POU3F3: variants seen among roughly 807,000 people sequenced by gnomAD.
POU3F3 encodes the protein POU domain, class 3, transcription factor 3.
POU3F3 carries 1 observed loss-of-function variant against 8.6 expected under a neutral mutation model. The observed-to-expected ratio is 0.12, with a 90% CI of 0.04 to 0.55. The LOEUF (loss-of-function observed/expected upper bound fraction) is 0.55. Ranked by LOEUF, POU3F3 falls within the 20% of genes least tolerant of loss-of-function variation. The pLI, the probability that POU3F3 is intolerant of heterozygous loss-of-function variation, is 0.91. For synonymous variants in POU3F3, 418 were observed against 327.4 expected, an observed-to-expected ratio of 1.28 and a Z score of -2.99; for missense variants, 577 against 690.7, an observed-to-expected ratio of 0.84 and a Z score of 1.84.
rs951163307 is a variant in POU3F3 at position 104,854,667 on chromosome 2, T to C, written c.-844T>C. Reference sequence around the variant, plus strand: ...TCCGGCAATAGCAACTTCAGAGAAATGCACCATCGCAAGAAGTTTTCCTAG... The same window carrying C: ...TCCGGCAATAGCAACTTCAGAGAAACGCACCATCGCAAGAAGTTTTCCTAG... On this transcript the variant is annotated 5_prime_UTR_variant, in exon 1 of 1. An upstream start codon of the reference 5' UTR is lost. Transcript: ENST00000361360. The surrounding 1 kb of genome is among the most constrained non-coding windows in gnomAD (Gnocchi z 4.5). 5.3e-5 allele frequency among the ~76,000 whole-genome samples: 8 copies of C among 152,092 alleles called. 1 individual carries two copies. The highest frequency in any genetic ancestry group is 2.0e-4 in the Admixed American group (3 of 15,288).
the POU3F3 span, among the ~76,000 whole-genome samples, chr2:104,885,352 A>C: frequency 6.6e-6 from 1 of 152,210 alleles, no homozygotes; most frequent in Non-Finnish European, 1.5e-5. Flanking sequence ...TAAGGCTGAG[A>C]CCTGCATTGC....
the POU3F3 span, among the ~76,000 whole-genome samples, chr2:104,921,413 T>C: frequency 6.6e-6 from 1 of 152,148 alleles, no homozygotes; most frequent in Admixed American, 6.5e-5. Context: ...TGGAGTACAT[T>C]TGAAGTCTTG....
At chr2:104,880,509 C>G in the POU3F3 span, among the ~76,000 whole-genome samples, 9 of 152,170 alleles carry the variant, frequency 5.9e-5, no homozygotes, top group Non-Finnish European at 1.2e-4. Flanking sequence ...TGTGCCCAAC[C>G]ATGCTGCAGT....
At chr2:104,906,942 A>G in the POU3F3 span, among the ~76,000 whole-genome samples, 13 of 152,134 alleles carry the variant, frequency 8.5e-5, no homozygotes, top group Non-Finnish European at 1.6e-4. Flanking sequence ...CTTTCCACCA[A>G]TACTTTCAAC....
At chr2:104,917,077 C>T in the POU3F3 span, among the ~76,000 whole-genome samples, 1 of 152,208 alleles carries the variant, frequency 6.6e-6, no homozygotes, top group Admixed American at 6.5e-5. Context: ...GTCACCGGTG[C>T]TCCTGGTTCT....
downstream of POU3F3, among the ~76,000 whole-genome samples, chr2:104,862,541 CG>C (rs571309667): frequency 4.2e-3 from 575 of 137,110 alleles, 2 homozygotes; most frequent in African/African-American, 0.014. Flanking sequence ...CGCTTCTCTC[CG>C]GGAGGGAGGG....
chr2:104,916,278 T>A, the POU3F3 span, among the ~76,000 whole-genome samples: 547 of 152,346 alleles, frequency 3.6e-3, no homozygotes, highest in Non-Finnish European at 6.0e-3. Flanking sequence ...ATTGACAGCC[T>A]ACTCTGTGCC....
At chr2:104,881,533 TTCTC>T in the POU3F3 span, among the ~76,000 whole-genome samples, 1 of 152,032 alleles carries the variant, frequency 6.6e-6, no homozygotes, top group African/African-American at 2.4e-5. Context: ...TCCTCTCTCT[TTCTC>T]TTGCTGTCTC....
At chr2:104,896,254 T>C in the POU3F3 span, among the ~76,000 whole-genome samples, 167 of 152,158 alleles carry the variant, frequency 1.1e-3, 1 homozygote, top group African/African-American at 3.9e-3. Flanking sequence ...TGGGTAGGGG[T>C]CCCTGCATGG....
In POU3F3 at chr2:104,855,419, GC is replaced by G; in HGVS notation, c.-91del. On this transcript the variant is annotated 5_prime_UTR_variant, in exon 1 of 1. Transcript: ENST00000361360. ...GGGGGGAGGAGGCGGGAGGCGGGGG[GC>G]GCGGCGGCGGCGGCGGCGGCGGCGG... The G allele has an allele frequency of 1.8e-6, 1 of 543,594 alleles. No individual in the cohort carries two copies. Among genetic ancestry groups the G allele is most frequent in the Non-Finnish European group, 2.3e-6 (1 of 441,352 alleles). The allele number at this position is 543,594 out of a possible 1,614,324, so 33.7% of individuals were successfully genotyped here.
At chr2:104,925,567 T>C in the POU3F3 span, among the ~76,000 whole-genome samples, 6 of 152,146 alleles carry the variant, frequency 3.9e-5, no homozygotes, top group East Asian at 1.9e-4. Flanking sequence ...GCTACAACTG[T>C]GAGCCATGCA....
the POU3F3 span, among the ~76,000 whole-genome samples, chr2:104,864,956 G>T: frequency 5.3e-5 from 8 of 152,218 alleles, no homozygotes; most frequent in Non-Finnish European, 1.0e-4. Context: ...GCGCGCACAT[G>T]CGTGTGAACA....
At chr2:104,912,882 A>T in the POU3F3 span, among the ~76,000 whole-genome samples, 5 of 152,212 alleles carry the variant, frequency 3.3e-5, no homozygotes, top group African/African-American at 4.8e-5. Context: ...CACCTTGCAG[A>T]TCAGTCTGGG....
rs1676594372 is a variant in POU3F3, at chr2:104,857,417, A to G, written c.*404A>G. On this transcript the variant is annotated 3_prime_UTR_variant, in exon 1 of 1. Coordinates refer to ENST00000361360, the MANE Select transcript of POU3F3 (RefSeq NM_006236.3). The stretch of plus-strand genomic sequence containing the variant: ...GTTTCGTTTTTGTTTTTGTTTTTAA[A>G]GAAGGGTGAAGATGCCTGACGCACG... 1 of 153,932 alleles carries G rather than the reference A, an allele frequency of 6.5e-6. No individual in the cohort carries two copies. The highest frequency in any genetic ancestry group is 1.5e-5 in the Non-Finnish European group (1 of 68,174). 9.5% of individuals were successfully genotyped at this position (153,932 alleles called of 1,614,324 possible). A position where few individuals can be genotyped will look rare whatever the true frequency, so the allele number is the denominator to read the frequency against.
At chr2:104,898,387 T>C in the POU3F3 span, among the ~76,000 whole-genome samples, 1 of 152,198 alleles carries the variant, frequency 6.6e-6, no homozygotes, top group Non-Finnish European at 1.5e-5. Context: ...TATTATTGTT[T>C]AGATTAGAGG....
At chr2:104,922,596 C>T in the POU3F3 span, among the ~76,000 whole-genome samples, 1 of 151,968 alleles carries the variant, frequency 6.6e-6, no homozygotes, top group African/African-American at 2.4e-5. Context: ...GAAGTTAAGA[C>T]GAATGAAATT....
At chr2:104,916,453 T>C in the POU3F3 span, among the ~76,000 whole-genome samples, 1 of 152,168 alleles carries the variant, frequency 6.6e-6, no homozygotes, top group African/African-American at 2.4e-5. Flanking sequence ...AAATCTCTCA[T>C]GAGGTTATAG....
the POU3F3 span, among the ~76,000 whole-genome samples, chr2:104,884,497 A>G: frequency 6.6e-6 from 1 of 152,192 alleles, no homozygotes; most frequent in African/African-American, 2.4e-5. Flanking sequence ...GTGAGCCTCA[A>G]GCCAACTCAA....
the POU3F3 span, among the ~76,000 whole-genome samples, chr2:104,902,628 C>A: frequency 6.6e-6 from 1 of 152,162 alleles, no homozygotes; most frequent in Non-Finnish European, 1.5e-5. Flanking sequence ...GTCAAATCCC[C>A]AGCAGTGACT....
Sources: allele counts gnomAD v4.1 joint callset (sites outside exome capture counted in the v4.1 genomes callset), GRCh38; gene constraint gnomAD v4.1.1; non-coding constraint Gnocchi (gnomAD v3.1); transcripts MANE v1.5; gene names NCBI Gene and HGNC (gene_info 2026-07-23, HGNC 2026-07-21).